The following SARNP variants were observed in gnomAD, a reference collection of about 807,000 sequenced individuals.
SARNP encodes SAP domain containing ribonucleoprotein.
Under a neutral mutation model 38.1 loss-of-function variants are expected in SARNP, and 5 were observed. The observed-to-expected ratio is 0.13, with a 90% CI of 0.07 to 0.28. The LOEUF (loss-of-function observed/expected upper bound fraction) is 0.28, where lower values mean the gene tolerates loss of function less well. SARNP is among the 10% of genes least tolerant of loss of function. SARNP has a pLI of 1.00. For missense variants in SARNP, 180 were observed against 243.9 expected, an observed-to-expected ratio of 0.74 and a Z score of 1.75; for synonymous variants, 84 against 80.6, an observed-to-expected ratio of 1.04 and a Z score of -0.23.
chr12:55,766,045 C>T (rs1423334624), intron 9 of SARNP, among the ~76,000 whole-genome samples: 1 of 152,180 alleles, frequency 6.6e-6, no homozygotes, highest in Non-Finnish European at 1.5e-5. Context: ...ACTCATGTCT[C>T]TCTGCATTCA....
rs577162122 is a variant in SARNP, at chr12:55,816,323, T to C, written c.36+1343A>G. ...TCCAGAAGTATACAATTTCTATAAG[T>C]ACAGTATATATAAACAAAGTGGAGA... On this transcript the variant is annotated intron_variant, in intron 1 of 10. Coordinates refer to ENST00000336133, the MANE Select transcript of SARNP (RefSeq NM_033082.4). 3.3e-5 allele frequency among the ~76,000 whole-genome samples: 5 copies of C among 152,218 alleles called. No individual in the cohort carries two copies. The South Asian group carries it at 1.0e-3, about 31-fold the overall frequency.
intron 6 of SARNP, 90 bp from the exon 7 acceptor site, chr12:55,794,477 T>TAA (rs1487798818): frequency 8.9e-7 from 1 of 1,117,946 alleles, no homozygotes; most frequent in East Asian, 2.4e-5. Context: ...TGACACTTCT[T>TAA]GCTTGTGATC....
intron 9 of SARNP, among the ~76,000 whole-genome samples, chr12:55,777,182 G>T (rs979443944): frequency 2.6e-5 from 4 of 152,060 alleles, no homozygotes; most frequent in African/African-American, 9.7e-5. Context: ...AAATCAGAGA[G>T]AAATACATAA....
rs1879759811 is a variant in SARNP at position 55,794,380 on chromosome 12, T to A, written c.385A>T (p.Ile129Phe). Reference sequence around the variant, plus strand: ...TTACCTTTTGTTGGAACTGAAGAAATCCCAAACCTGAAGAAGGAAAAACAA... The same window carrying A: ...TTACCTTTTGTTGGAACTGAAGAAAACCCAAACCTGAAGAAGGAAAAACAA... ...KKAARAARFGISSVPTKGLSS... is the reference protein window; with the variant it reads ...KKAARAARFGFSSVPTKGLSS... Residue 129 changes from isoleucine (I) to phenylalanine (F), a missense_variant, in exon 7 of 11, where the codon ATT becomes TTT. Ile to Phe is a conservative substitution (Grantham distance 21). This residue lies in a region of SARNP where 161 missense variants were observed against 194.1 expected (regional missense o/e 0.83). Coordinates refer to ENST00000336133, the MANE Select transcript of SARNP (RefSeq NM_033082.4). The A allele has an allele frequency of 6.2e-7, 1 of 1,606,508 alleles. No individual in the cohort carries two copies. Among genetic ancestry groups the A allele is most frequent in the African/African-American group, 1.3e-5 (1 of 74,384 alleles).
At chr12:55,763,999 G>A (rs922501134) in intron 9 of SARNP, among the ~76,000 whole-genome samples, 1 of 152,132 alleles carries the variant, frequency 6.6e-6, no homozygotes, top group Non-Finnish European at 1.5e-5. Flanking sequence ...TCCCAAGGAG[G>A]AAGGATCACT....
intron 9 of SARNP, among the ~76,000 whole-genome samples, chr12:55,784,771 G>A (rs1435252082): frequency 1.3e-5 from 2 of 152,136 alleles, no homozygotes; most frequent in Non-Finnish European, 2.9e-5. Context: ...GGTGTAGACA[G>A]CAAAACATCA....
At chr12:55,800,967 A>G (rs575346503) in intron 2 of SARNP, 67 bp from the exon 3 acceptor site, 2 of 1,320,870 alleles carry the variant, frequency 1.5e-6, no homozygotes, top group Admixed American at 3.4e-5. Flanking sequence ...TACCAAGGTT[A>G]AAATTATAAT....
Position 55,774,571 on chromosome 12 carries a change from AAAACAAAC to A in SARNP, c.502-13939_502-13932del, listed in dbSNP as rs1310834632. Among the ~76,000 whole-genome samples, 553 of 82,936 alleles carry A rather than the reference AAAACAAAC, an allele frequency of 6.7e-3. 23 individuals carry two copies. Among genetic ancestry groups the A allele is most frequent in the Admixed American group, 0.062 (423 of 6,828 alleles). 54.4% of individuals were successfully genotyped at this position (82,936 alleles called of 152,430 possible). A position where few individuals can be genotyped will look rare whatever the true frequency, so the allele number is the denominator to read the frequency against. On this transcript the variant is annotated intron_variant, in intron 9 of 10. Coordinates refer to ENST00000336133, the MANE Select transcript of SARNP (RefSeq NM_033082.4). ...CCCCGTCTCTACTGAAAAAAAAAAA[AAAACAAAC>A]AAAAAAAAAAAAACAAAAATTAGCC...
At chr12:55,764,210 T>C (rs769363016) in intron 9 of SARNP, among the ~76,000 whole-genome samples, 1 of 152,208 alleles carries the variant, frequency 6.6e-6, no homozygotes, top group Non-Finnish European at 1.5e-5. Context: ...TAATTGGCTA[T>C]TCCATTTGTT....
At chr12:55,780,739 A>G (rs1391277329) in intron 9 of SARNP, among the ~76,000 whole-genome samples, 2 of 152,220 alleles carry the variant, frequency 1.3e-5, no homozygotes, top group South Asian at 2.1e-4. Context: ...ATTAAGTAAA[A>G]TAACAGTTAC....
downstream of SARNP, chr12:55,753,891 G>A (rs1878420233): frequency 6.6e-6 from 1 of 151,952 alleles, no homozygotes; most frequent in African/African-American, 2.4e-5. Flanking sequence ...AGGCTGCAGT[G>A]TGCTATAATT....
chr12:55,760,328 C>A (rs1285234710), intron 10 of SARNP: 2 of 530,712 alleles, frequency 3.8e-6, no homozygotes, highest in Non-Finnish European at 6.6e-6. Flanking sequence ...GAATGAGACC[C>A]CATCTCTACT....
At chr12:55,759,227 T>C (rs1878602309) in intron 10 of SARNP, among the ~76,000 whole-genome samples, 1 of 152,164 alleles carries the variant, frequency 6.6e-6, no homozygotes, top group Non-Finnish European at 1.5e-5. Flanking sequence ...CACTGTCCTT[T>C]TCCAGAAATG....
chr12:55,812,576 T>A (rs1880359212), intron 1 of SARNP, among the ~76,000 whole-genome samples: 1 of 152,240 alleles, frequency 6.6e-6, no homozygotes, highest in African/African-American at 2.4e-5. Context: ...CATGTCCAAG[T>A]GGATGTCCCA....
At chr12:55,762,924 G>C (rs1344310545) in intron 9 of SARNP, among the ~76,000 whole-genome samples, 1 of 152,176 alleles carries the variant, frequency 6.6e-6, no homozygotes, top group Admixed American at 6.5e-5. Flanking sequence ...CTTTCAGCTT[G>C]AGAAAGATGT....
intron 9 of SARNP, among the ~76,000 whole-genome samples, chr12:55,771,291 G>A (rs762407764): frequency 3.3e-5 from 5 of 151,938 alleles, no homozygotes; most frequent in Admixed American, 6.6e-5. Flanking sequence ...GTGCCACTCC[G>A]GATCATATAA....
At chr12:55,768,052 G>C (rs1878895782) in intron 9 of SARNP, among the ~76,000 whole-genome samples, 1 of 152,038 alleles carries the variant, frequency 6.6e-6, no homozygotes, top group African/African-American at 2.4e-5. Flanking sequence ...TGGAAGAACA[G>C]TTACTGGACA....
At chr12:55,784,955 T>C (rs1300060298) in intron 9 of SARNP, among the ~76,000 whole-genome samples, 5 of 152,226 alleles carry the variant, frequency 3.3e-5, no homozygotes, top group Non-Finnish European at 7.3e-5. Flanking sequence ...CCATACATAT[T>C]CTAGTAAAGT....
intron 1 of SARNP, among the ~76,000 whole-genome samples, chr12:55,811,077 A>G (rs578189479): frequency 0.047 from 661 of 13,940 alleles, 9 homozygotes; most frequent in Admixed American, 0.14. Context: ...GCGAGACTCC[A>G]TCCCAAAAAA....
Sources: gnomAD v4.1 joint callset for allele counts (sites outside exome capture counted in the v4.1 genomes callset) on GRCh38, gnomAD v4.1.1 for gene constraint, gnomAD v4.1.1 regional missense constraint, MANE v1.5 for transcripts, NCBI Gene and HGNC (gene_info 2026-07-23, HGNC 2026-07-21) for gene names.